FUT9: variants seen among roughly 807,000 people sequenced by gnomAD.
FUT9 encodes the protein 4-galactosyl-N-acetylglucosaminide 3-alpha-L-fucosyltransferase 9.
In FUT9, 15 loss-of-function variants were observed where a neutral mutation model predicts 29.7. The ratio of observed to expected loss-of-function variants is 0.51; its 90% CI spans 0.34 to 0.78. FUT9 has a LOEUF of 0.78. Among genes scored for constraint, FUT9 ranks in the 30% least tolerant of loss-of-function variants. The probability of loss-of-function intolerance (pLI) is 0.01; values close to 1 mark genes in which losing one functional copy is unlikely to be tolerated. For synonymous variants in FUT9, 169 were observed against 153.7 expected (o/e 1.10, Z -0.74); for missense variants, 319 against 425.4 (o/e 0.75, Z 2.20).
At chr6:96,156,583 C>G (rs551299875) in intron 2 of FUT9, among the ~76,000 whole-genome samples, 13 of 152,096 alleles carry the variant, frequency 8.5e-5, no homozygotes, top group Non-Finnish European at 1.9e-4. Flanking sequence ...GCCCCATTCC[C>G]CCTAGCGTGC....
chr6:96,127,411 G>A (rs772979214), intron 2 of FUT9, among the ~76,000 whole-genome samples: 32 of 152,234 alleles, frequency 2.1e-4, no homozygotes, highest in Non-Finnish European at 4.1e-4. Flanking sequence ...TGTTGCATAT[G>A]TACCACATTT....
At chr6:96,203,030 G>A in intron 2 of FUT9, 118 bp from the exon 3 acceptor site, 1 of 724,060 alleles carries the variant, frequency 1.4e-6, no homozygotes, top group South Asian at 2.5e-5. Flanking sequence ...AAAGGAAAAT[G>A]CAGTTGATTA....
At chr6:96,024,051 C>A (rs1003117231) in intron 1 of FUT9, among the ~76,000 whole-genome samples, 2 of 151,804 alleles carry the variant, frequency 1.3e-5, no homozygotes, top group African/African-American at 4.8e-5. Flanking sequence ...TACAACAGTA[C>A]ATGGAATTGG....
chr6:96,148,740 C>T (rs1772620103), intron 2 of FUT9, among the ~76,000 whole-genome samples: 1 of 151,478 alleles, frequency 6.6e-6, no homozygotes, highest in Non-Finnish European at 1.5e-5. Flanking sequence ...AGTGTAGATA[C>T]ATGAACATTT....
At chr6:96,120,897 G>C (rs1051744966) in intron 2 of FUT9, among the ~76,000 whole-genome samples, 4 of 151,522 alleles carry the variant, frequency 2.6e-5, no homozygotes, top group Admixed American at 2.6e-4. Flanking sequence ...TGGATGCACG[G>C]GTGGATAGAG....
intron 1 of FUT9, among the ~76,000 whole-genome samples, chr6:96,028,987 T>A (rs964663207): frequency 6.6e-6 from 1 of 151,464 alleles, no homozygotes; most frequent in Non-Finnish European, 1.5e-5. Flanking sequence ...AATCCCACCA[T>A]CACAAAACAA....
At chr6:96,104,822 G>T (rs1562125819) in intron 1 of FUT9, among the ~76,000 whole-genome samples, 1 of 152,106 alleles carries the variant, frequency 6.6e-6, no homozygotes, top group Admixed American at 6.6e-5. Flanking sequence ...GAGCCACCGC[G>T]CCTGGCCACA....
At chr6:96,080,474 A>G (rs1180842101) in intron 1 of FUT9, among the ~76,000 whole-genome samples, 1 of 152,014 alleles carries the variant, frequency 6.6e-6, no homozygotes, top group Admixed American at 6.6e-5. Context: ...TTGCCTACTT[A>G]TTAAATGTAT....
At chr6:96,177,956 A>G (rs1015601962) in intron 2 of FUT9, among the ~76,000 whole-genome samples, 1 of 152,188 alleles carries the variant, frequency 6.6e-6, no homozygotes, top group African/African-American at 2.4e-5. Flanking sequence ...GAGCAGAAGC[A>G]GTCTTTGATA....
At chr6:96,121,090 C>T (rs1177573484) in intron 2 of FUT9, among the ~76,000 whole-genome samples, 1 of 152,142 alleles carries the variant, frequency 6.6e-6, no homozygotes, top group Non-Finnish European at 1.5e-5. Context: ...TTTTTACCCT[C>T]TGCACCTGGA....
rs139325846 is a variant in FUT9 at position 96,183,237 on chromosome 6, A to G, written c.-8-19911A>G. ...GTAAAAGTGCTGAGTTCATGATTTGATTCTTAGATTGGTCATTGTTGGTGC... is the reference window on the plus strand; with the variant it reads ...GTAAAAGTGCTGAGTTCATGATTTGGTTCTTAGATTGGTCATTGTTGGTGC... On this transcript the variant is annotated intron_variant, in intron 2 of 2. Coordinates refer to ENST00000302103, the MANE Select transcript of FUT9 (RefSeq NM_006581.4). Among the ~76,000 whole-genome samples the G allele has an allele frequency of 5.9e-5, 9 of 151,756 alleles. No individual in the cohort carries two copies. In the East Asian group the frequency reaches 1.7e-3, roughly 29 times the overall value.
intron 2 of FUT9, among the ~76,000 whole-genome samples, chr6:96,175,466 C>A (rs1773186752): frequency 6.6e-6 from 1 of 152,130 alleles, no homozygotes; most frequent in African/African-American, 2.4e-5. Context: ...AATTAATGGT[C>A]TCGATGCTAA....
At chr6:96,037,434 A>C (rs1332275036) in intron 1 of FUT9, 1 of 152,108 alleles carries the variant, frequency 6.6e-6, no homozygotes, top group African/African-American at 2.4e-5. Flanking sequence ...ATAATGAAAG[A>C]ACAAATAAGC....
Position 96,203,654 on chromosome 6 carries a change from C to T in FUT9, c.499C>T (p.Pro167Ser), listed in dbSNP as rs781231611. The T allele has an allele frequency of 6.2e-7, 1 of 1,613,964 alleles. No individual in the cohort carries two copies. The highest frequency in any genetic ancestry group is 1.7e-5 in the Admixed American group (1 of 59,954). ...CCGCCGTGATTCAGATATCCAAGTG[C>T]CTTATGGCTTCTTGACGGTAAGCAC... ...TYRRDSDIQV[P>S]YGFLTVSTNP... The change falls in exon 3 of 3, where the codon CCT becomes TCT. Residue 167 changes from proline (P) to serine (S), a missense_variant. Physicochemically the swap from Pro to Ser is moderately conservative, Grantham distance 74. Coordinates refer to ENST00000302103, the MANE Select transcript of FUT9 (RefSeq NM_006581.4).
intron 1 of FUT9, among the ~76,000 whole-genome samples, chr6:96,068,098 C>G (rs1770993721): frequency 6.6e-6 from 1 of 151,628 alleles, no homozygotes; most frequent in Admixed American, 6.6e-5. Context: ...ATAATGAATC[C>G]AACTTTGGAT....
chr6:96,153,341 C>T (rs1275952007), intron 2 of FUT9, among the ~76,000 whole-genome samples: 1 of 152,132 alleles, frequency 6.6e-6, no homozygotes, highest in Non-Finnish European at 1.5e-5. Context: ...TTTCCCTATC[C>T]TCTTGTCCTT....
intron 1 of FUT9, among the ~76,000 whole-genome samples, chr6:96,054,776 T>C (rs1770732924): frequency 6.6e-6 from 1 of 152,170 alleles, no homozygotes; most frequent in Non-Finnish European, 1.5e-5. Context: ...ACTTCATATG[T>C]CTGAAAGAGC....
At chr6:96,059,267 A>G (rs1474238889) in intron 1 of FUT9, among the ~76,000 whole-genome samples, 2 of 152,150 alleles carry the variant, frequency 1.3e-5, no homozygotes, top group Admixed American at 6.6e-5. Context: ...TATGCTTGCA[A>G]TCCTCCCCTA....
intron 1 of FUT9, among the ~76,000 whole-genome samples, chr6:96,035,661 ATAT>A (rs1037129350): frequency 1.0e-4 from 14 of 138,558 alleles, no homozygotes; most frequent in East Asian, 1.0e-3. Flanking sequence ...TACTAATATA[ATAT>A]TATATTAAAA....
Sources: allele counts gnomAD v4.1 joint callset (sites outside exome capture counted in the v4.1 genomes callset), GRCh38; gene constraint gnomAD v4.1.1; transcripts MANE v1.5; gene names NCBI Gene and HGNC (gene_info 2026-07-23, HGNC 2026-07-21).